Variants in TRDN observed in about 807,000 individuals in gnomAD.
TRDN encodes triadin.
In TRDN, 161 loss-of-function variants were observed where a neutral mutation model predicts 149.7. That is an observed-to-expected ratio of 1.08 (90% CI 0.95 to 1.23). TRDN has a LOEUF of 1.23. Among genes scored for constraint, TRDN ranks in the 50% most tolerant of loss-of-function variants. The pLI is 0.00. For missense variants in TRDN, 896 were observed against 823.5 expected (o/e 1.09, Z -1.08); for synonymous variants, 294 against 250.5 (o/e 1.17, Z -1.64).
At chr6:123,547,033 T>C (rs1161162503) in intron 4 of TRDN, among the ~76,000 whole-genome samples, 1 of 152,130 alleles carries the variant, frequency 6.6e-6, no homozygotes, top group Non-Finnish European at 1.5e-5. Context: ...TGGGTGTCAT[T>C]TTCTGGGCCA....
At chr6:123,304,251 TC>T (rs1327178356) in intron 24 of TRDN, among the ~76,000 whole-genome samples, 46 of 127,080 alleles carry the variant, frequency 3.6e-4, no homozygotes, top group African/African-American at 1.3e-3. Flanking sequence ...TCTTTTATTT[TC>T]TTTTTTTTTT....
rs2114782756 is a variant in TRDN, at chr6:123,486,079, T to C, written c.853+11114A>G. ...TCTAATAAATAGTCAAAATCTTCCA[T>C]TATTAAATTTAAAGGGCATACAAGT... On this transcript the variant is annotated intron_variant, in intron 9 of 40. Coordinates refer to ENST00000334268, the MANE Select transcript of TRDN (RefSeq NM_006073.4). 1.3e-5 allele frequency among the ~76,000 whole-genome samples: 2 copies of C among 152,170 alleles called. 1 individual carries two copies. Among genetic ancestry groups the C allele is most frequent in the South Asian group, 4.1e-4 (2 of 4,826 alleles).
intron 10 of TRDN, among the ~76,000 whole-genome samples, chr6:123,463,573 C>G (rs771078390): frequency 2.5e-4 from 38 of 151,696 alleles, no homozygotes; most frequent in Non-Finnish European, 7.4e-5. Flanking sequence ...GAATTCGTTG[C>G]TTTATGTCCA....
chr6:123,385,131 T>C (rs1397981423), intron 14 of TRDN, among the ~76,000 whole-genome samples: 4 of 152,144 alleles, frequency 2.6e-5, no homozygotes, highest in South Asian at 2.1e-4. Flanking sequence ...TGATGCCAGA[T>C]GAAAATGAAA....
At position 123,368,716 on chromosome 6, in the gene TRDN, G is replaced by A. The variant is rs186602380; in HGVS notation, c.1274-2534C>T. ...CCCTCAGAATTTTCCTTTACTGCCA[G>A]AATTTTGATTTTAAAAATTATATTC... On this transcript the variant is annotated intron_variant, in intron 19 of 40. Transcript: ENST00000334268. Among the ~76,000 whole-genome samples, 30 of 152,222 alleles carry A rather than the reference G, an allele frequency of 2.0e-4. No homozygotes were observed. In the East Asian group the frequency reaches 5.6e-3, roughly 28 times the overall value.
intron 5 of TRDN, among the ~76,000 whole-genome samples, chr6:123,527,256 A>T (rs1285135597): frequency 2.0e-5 from 3 of 152,160 alleles, no homozygotes; most frequent in Non-Finnish European, 2.9e-5. Flanking sequence ...AATAATCATG[A>T]CTTGGACCTT....
intron 19 of TRDN, among the ~76,000 whole-genome samples, chr6:123,370,998 A>G (rs571341082): frequency 1.3e-5 from 2 of 151,088 alleles, no homozygotes; most frequent in East Asian, 3.9e-4. Flanking sequence ...GTATTTTTAC[A>G]AGTTTGTGGC....
intron 24 of TRDN, among the ~76,000 whole-genome samples, chr6:123,288,769 T>C (rs1777888406): frequency 6.6e-6 from 1 of 152,062 alleles, no homozygotes; most frequent in Non-Finnish European, 1.5e-5. Flanking sequence ...CCTTGTACAC[T>C]GCTGGTGAAA....
chr6:123,527,665 G>A (rs1205004061), intron 5 of TRDN, among the ~76,000 whole-genome samples: 1 of 151,350 alleles, frequency 6.6e-6, no homozygotes, highest in Non-Finnish European at 1.5e-5. Flanking sequence ...AATGATATGT[G>A]GTAACCCAAA....
chr6:123,447,226 T>C (rs1408277613), intron 10 of TRDN, among the ~76,000 whole-genome samples: 1 of 152,216 alleles, frequency 6.6e-6, no homozygotes, highest in East Asian at 1.9e-4. Flanking sequence ...CACTTTCCAG[T>C]GACTACCCGA....
chr6:123,317,037 A>C (rs987447342), intron 23 of TRDN, among the ~76,000 whole-genome samples: 21 of 151,912 alleles, frequency 1.4e-4, no homozygotes, highest in Admixed American at 1.2e-3. Flanking sequence ...TTGTGACATA[A>C]AGTATCTTGT....
At chr6:123,522,726 G>T (rs78831524) in intron 5 of TRDN, among the ~76,000 whole-genome samples, 1,619 of 152,130 alleles carry the variant, frequency 0.011, 28 homozygotes, top group African/African-American at 0.037. Flanking sequence ...TTGTCTGTAG[G>T]AATGTCAAAT....
At chr6:123,477,674 T>C (rs1777554651) in intron 9 of TRDN, among the ~76,000 whole-genome samples, 1 of 151,990 alleles carries the variant, frequency 6.6e-6, no homozygotes, top group Admixed American at 6.6e-5. Context: ...TGTCCAACAA[T>C]GATAGACTGG....
chr6:123,269,138 A>G (rs1777118305), intron 31 of TRDN, among the ~76,000 whole-genome samples: 1 of 152,034 alleles, frequency 6.6e-6, no homozygotes, highest in Non-Finnish European at 1.5e-5. Context: ...CAATTTTGAC[A>G]CAATATTGAA....
chr6:123,474,333 A>T (rs1583105270), intron 9 of TRDN, among the ~76,000 whole-genome samples: 1 of 152,174 alleles, frequency 6.6e-6, no homozygotes, highest in East Asian at 1.9e-4. Context: ...ACAAAGATCA[A>T]AAGAGACAAA....
At chr6:123,522,017 G>T (rs1389119797) in intron 5 of TRDN, among the ~76,000 whole-genome samples, 1 of 152,104 alleles carries the variant, frequency 6.6e-6, no homozygotes, top group Non-Finnish European at 1.5e-5. Flanking sequence ...TCACCTAGTG[G>T]CTGTGACCAC....
intron 35 of TRDN, among the ~76,000 whole-genome samples, chr6:123,258,341 T>C (rs1159138591): frequency 6.6e-6 from 1 of 152,216 alleles, no homozygotes; most frequent in Non-Finnish European, 1.5e-5. Context: ...GTTTTTAGCA[T>C]GAAGAGGTGT....
chr6:123,522,118 A>G (rs1311141676), intron 5 of TRDN, among the ~76,000 whole-genome samples: 3 of 152,094 alleles, frequency 2.0e-5, no homozygotes, highest in African/African-American at 7.2e-5. Flanking sequence ...TCTCTCCAGT[A>G]TACATTTCTG....
chr6:123,356,509 A>ATATATG, intron 20 of TRDN, among the ~76,000 whole-genome samples: 1 of 12,102 alleles, frequency 8.3e-5, no homozygotes, highest in Non-Finnish European at 1.6e-4. Context: ...AAGTTTATAT[A>ATATATG]TATATATATA....
Sources: allele counts gnomAD v4.1 joint callset (sites outside exome capture counted in the v4.1 genomes callset), GRCh38; gene constraint gnomAD v4.1.1; transcripts MANE v1.5; gene names NCBI Gene and HGNC (gene_info 2026-07-23, HGNC 2026-07-21).